SLC25A33: variants seen among roughly 807,000 people sequenced by gnomAD.
SLC25A33 encodes bone marrow stromal cell mitochondrial carrier protein.
Under a neutral mutation model 35.5 loss-of-function variants are expected in SLC25A33, and 15 were observed. The ratio of observed to expected loss-of-function variants is 0.42; its 90% CI spans 0.28 to 0.65. The LOEUF (loss-of-function observed/expected upper bound fraction) is 0.65, where lower values mean the gene tolerates loss of function less well. SLC25A33 is among the 30% of genes least tolerant of loss of function. The pLI is 0.20. For missense variants in SLC25A33, 257 were observed against 398.5 expected, an observed-to-expected ratio of 0.64 and a Z score of 3.02; for synonymous variants, 136 against 148.7, an observed-to-expected ratio of 0.91 and a Z score of 0.62.
At chr1:9,567,885 C>T (rs1409940623) in intron 3 of SLC25A33, among the ~76,000 whole-genome samples, 2 of 152,180 alleles carry the variant, frequency 1.3e-5, no homozygotes, top group African/African-American at 4.8e-5. Context: ...TGTACTGTCC[C>T]AGTACATAAG....
chr1:9,576,619 G>A (rs975729341), intron 5 of SLC25A33: 7 of 587,820 alleles, frequency 1.2e-5, no homozygotes, highest in East Asian at 4.4e-5. Flanking sequence ...ACTGGCTACC[G>A]TTCGAACTGT....
chr1:9,567,151 CAGATA>C (rs1643520298), intron 2 of SLC25A33, 128 bp from the exon 3 acceptor site: 5 of 734,564 alleles, frequency 6.8e-6, no homozygotes, highest in Non-Finnish European at 1.2e-5. Context: ...GTAACCAAAT[CAGATA>C]AGAGTCGAGC....
chr1:9,544,824 G>A (rs887438123), intron 1 of SLC25A33, among the ~76,000 whole-genome samples: 4 of 152,160 alleles, frequency 2.6e-5, no homozygotes, highest in Admixed American at 1.3e-4. Flanking sequence ...TTTAGTGCCC[G>A]ATATGCATGT....
Position 9,582,598 on chromosome 1 carries a change from A to G in SLC25A33, c.*97A>G. On this transcript the variant is annotated 3_prime_UTR_variant, in exon 7 of 7. Coordinates refer to ENST00000302692, the MANE Select transcript of SLC25A33 (RefSeq NM_032315.3). This position sits in a 1 kb window ranked among gnomAD's most constrained non-coding sequence, Gnocchi z 4.0. ...TTAGAAAGTTTGAGACTGAAACAGG[A>G]AAGGCCATAAAATATCTGGTTCATA... 8.5e-7 allele frequency: 1 copy of G among 1,180,918 alleles called. No individual in the cohort carries two copies. 73.2% of individuals were successfully genotyped at this position (1,180,918 alleles called of 1,614,324 possible). A position where few individuals can be genotyped will look rare whatever the true frequency, so the allele number is the denominator to read the frequency against.
At chr1:9,553,197 A>C (rs1344014110) in intron 1 of SLC25A33, among the ~76,000 whole-genome samples, 1 of 34,812 alleles carries the variant, frequency 2.9e-5, no homozygotes, top group Non-Finnish European at 6.0e-5. Context: ...ATTGTGTTCT[A>C]GTTTTGTTTT....
chr1:9,540,384 C>T (rs148027294), intron 1 of SLC25A33, among the ~76,000 whole-genome samples: 2 of 152,130 alleles, frequency 1.3e-5, no homozygotes, highest in East Asian at 3.9e-4. Context: ...CGCCAGAGAC[C>T]GCAGAATTGT....
intron 1 of SLC25A33, among the ~76,000 whole-genome samples, chr1:9,549,996 C>CATACATATATATATATGTAT (rs1643240674): frequency 1.4e-5 from 1 of 72,064 alleles, no homozygotes; most frequent in African/African-American, 6.8e-5. Context: ...TTTTTCTATA[C>CATACATATATATATATGTAT]ATATATATAT....
chr1:9,539,789 G>T, intron 1 of SLC25A33, 42 bp downstream of exon 1: 1 of 1,327,850 alleles, frequency 7.5e-7, no homozygotes, highest in Non-Finnish European at 9.6e-7. Flanking sequence ...ACCGCCTGCG[G>T]TCCCCTCGGC....
intron 2 of SLC25A33, among the ~76,000 whole-genome samples, chr1:9,559,003 C>T (rs1258094071): frequency 2.0e-5 from 3 of 152,178 alleles, no homozygotes; most frequent in East Asian, 1.9e-4. Flanking sequence ...TTTGCCTCTC[C>T]AGCCTCCTTT....
rs371242741 is a variant in SLC25A33 at position 9,584,080 on chromosome 1, G to C, written c.*1579G>C. On this transcript the variant is annotated 3_prime_UTR_variant, in exon 7 of 7. Coordinates refer to ENST00000302692, the MANE Select transcript of SLC25A33 (RefSeq NM_032315.3). ...ACAAAAAGATGATACTAAGAAGAAGGCAAGTAAAACCCCTAGTCTTCCATT... is the reference window on the plus strand; with the variant it reads ...ACAAAAAGATGATACTAAGAAGAAGCCAAGTAAAACCCCTAGTCTTCCATT... 1 of 152,020 alleles carries C rather than the reference G, an allele frequency of 6.6e-6. No individual in the cohort carries two copies. The highest frequency in any genetic ancestry group is 1.9e-4 in the East Asian group (1 of 5,172). 9.4% of individuals were successfully genotyped at this position (152,020 alleles called of 1,614,324 possible).
intron 2 of SLC25A33, among the ~76,000 whole-genome samples, chr1:9,565,299 G>A (rs147964412): frequency 1.7e-4 from 26 of 150,926 alleles, no homozygotes; most frequent in African/African-American, 4.4e-4. Context: ...GGTGGATCAC[G>A]AGGTCAGGAG....
rs74737753 is a variant in SLC25A33 at position 9,556,648 on chromosome 1, C to A, written c.236+2843C>A. On this transcript the variant is annotated intron_variant, in intron 2 of 6. Coordinates refer to ENST00000302692, the MANE Select transcript of SLC25A33 (RefSeq NM_032315.3). ...CTTTCTAATCTCCAGTAAATCCAGC[C>A]CCCCCCATAAGAGATTGTGTGTGTG... is the stretch of plus-strand genomic sequence containing the variant. Among the ~76,000 whole-genome samples, 937 of 151,862 alleles carry A rather than the reference C, an allele frequency of 6.2e-3. 18 individuals carry two copies. Among genetic ancestry groups the A allele is most frequent in the Non-Finnish European group, 4.0e-3 (274 of 67,964 alleles).
At chr1:9,562,022 G>T (rs993830657) in intron 2 of SLC25A33, among the ~76,000 whole-genome samples, 2 of 141,446 alleles carry the variant, frequency 1.4e-5, no homozygotes, top group East Asian at 2.1e-4. Flanking sequence ...CACTGCACTC[G>T]CCTGGCGACA....
intron 2 of SLC25A33, among the ~76,000 whole-genome samples, chr1:9,567,042 A>G (rs555863266): frequency 8.5e-5 from 13 of 152,142 alleles, no homozygotes; most frequent in African/African-American, 2.9e-4. Context: ...AGAAAAAAAA[A>G]AGGGAGAGAA....
At chr1:9,544,220 C>G (rs892283517) in intron 1 of SLC25A33, among the ~76,000 whole-genome samples, 5 of 151,834 alleles carry the variant, frequency 3.3e-5, no homozygotes, top group African/African-American at 1.2e-4. Flanking sequence ...CAGGTATACT[C>G]AGGTACTTGT....
At position 9,539,739 on chromosome 1, in the gene SLC25A33, C is replaced by T. The variant is rs1358685459; in HGVS notation, c.48C>T (p.Phe16=). The T allele has an allele frequency of 3.6e-6, 5 of 1,405,086 alleles. No homozygotes were observed. Among genetic ancestry groups the T allele is most frequent in the Non-Finnish European group, 4.6e-6 (5 of 1,077,460 alleles). The allele number at this position is 1,405,086 out of a possible 1,614,324, so 87.0% of individuals were successfully genotyped here. ...QQKENTLLHL[F]AGGCGGTVGA... The stretch of plus-strand genomic sequence containing the variant: ...AGGAGAACACGCTGCTTCACCTCTT[C>T]GCCGGCGGGTGAGTTCCCGGGCCCA... The change falls in exon 1 of 7, where the codon TTC becomes TTT. Residue 16 remains phenylalanine, a synonymous_variant. Coordinates refer to ENST00000302692, the MANE Select transcript of SLC25A33 (RefSeq NM_032315.3).
chr1:9,542,532 A>G (rs1374162109), intron 1 of SLC25A33, among the ~76,000 whole-genome samples: 1 of 152,222 alleles, frequency 6.6e-6, no homozygotes, highest in Non-Finnish European at 1.5e-5. Flanking sequence ...AGCTGAGTGT[A>G]AAATGGCTGT....
At chr1:9,550,100 C>A (rs1392888954) in intron 1 of SLC25A33, among the ~76,000 whole-genome samples, 1 of 132,640 alleles carries the variant, frequency 7.5e-6, no homozygotes, top group Non-Finnish European at 1.5e-5. Context: ...GCAGCCTTGA[C>A]CTCCTTGGGT....
At chr1:9,539,860 C>A in intron 1 of SLC25A33, 113 bp downstream of exon 1, 1 of 1,005,114 alleles carries the variant, frequency 9.9e-7, no homozygotes, top group Non-Finnish European at 1.3e-6. Flanking sequence ...CGGGCTACGG[C>A]GCCGGCGCTC....
Sources: allele counts gnomAD v4.1 joint callset (sites outside exome capture counted in the v4.1 genomes callset), GRCh38; gene constraint gnomAD v4.1.1; non-coding constraint Gnocchi (gnomAD v3.1); transcripts MANE v1.5; gene names NCBI Gene and HGNC (gene_info 2026-07-23, HGNC 2026-07-21).